WDR41: variants seen among roughly 807,000 people sequenced by gnomAD.
WDR41 encodes WD repeat domain 41.
A neutral mutation model predicts 69.3 loss-of-function variants in WDR41; 63 were observed. That is an observed-to-expected ratio of 0.91 (90% CI 0.74 to 1.12). The LOEUF is 1.12. Ranked by LOEUF, WDR41 falls within the 50% of genes most tolerant of loss-of-function variation. The probability of loss-of-function intolerance (pLI) is 0.00; values close to 1 mark genes in which losing one functional copy is unlikely to be tolerated. For missense variants in WDR41, 543 were observed against 534.5 expected, an observed-to-expected ratio of 1.02 and a Z score of -0.16; for synonymous variants, 185 against 192.1, an observed-to-expected ratio of 0.96 and a Z score of 0.31.
intron 1 of WDR41, among the ~76,000 whole-genome samples, chr5:77,558,094 T>TTAAAAAAAA (rs1554036365): frequency 9.6e-6 from 1 of 104,302 alleles, no homozygotes; most frequent in Non-Finnish European, 2.0e-5. Context: ...ATGTTCTTTT[T>TTAAAAAAAA]AAAAAAAAAA....
intron 10 of WDR41, 25 bp from the exon 11 acceptor site, chr5:77,437,449 A>G (rs1798986807): frequency 6.3e-7 from 1 of 1,598,978 alleles, no homozygotes; most frequent in Non-Finnish European, 8.6e-7. Flanking sequence ...AATCAGTAAT[A>G]CAAAAAGAGC....
chr5:77,492,353 G>T, upstream of WDR41: 1 of 1,236,658 alleles, frequency 8.1e-7, no homozygotes, highest in Non-Finnish European at 1.1e-6. Flanking sequence ...TCAGCCCACG[G>T]GCCGAAGGAA....
chr5:77,588,997 C>T (rs13436895), intron 1 of WDR41, among the ~76,000 whole-genome samples: 27,000 of 151,924 alleles, frequency 0.18, 2,715 homozygotes, highest in Admixed American at 0.24. Context: ...ACAAGAAGCA[C>T]AAAAATGTGA....
At chr5:77,489,791 G>C (rs163025) in intron 1 of WDR41, among the ~76,000 whole-genome samples, 4 of 151,830 alleles carry the variant, frequency 2.6e-5, no homozygotes, top group Admixed American at 1.3e-4. Flanking sequence ...CCACAAATTC[G>C]AATCATGAAT....
At chr5:77,492,355 C>A, upstream of WDR41, 1 of 1,195,478 alleles carries the variant, frequency 8.4e-7, no homozygotes, top group South Asian at 1.5e-5. Context: ...AGCCCACGGG[C>A]CGAAGGAATG....
At chr5:77,469,696 A>G (rs1472403319) in intron 2 of WDR41, among the ~76,000 whole-genome samples, 1 of 151,738 alleles carries the variant, frequency 6.6e-6, no homozygotes, top group Non-Finnish European at 1.5e-5. Flanking sequence ...GGAAGATCAA[A>G]TGAATGAAAT....
chr5:77,505,789 G>A (rs1802095361), intron 1 of WDR41, among the ~76,000 whole-genome samples: 1 of 152,138 alleles, frequency 6.6e-6, no homozygotes. Context: ...AACGGGGAAA[G>A]GATTCCCTAT....
At chr5:77,547,074 C>G (rs1743212647) in intron 1 of WDR41, among the ~76,000 whole-genome samples, 1 of 152,036 alleles carries the variant, frequency 6.6e-6, no homozygotes. Context: ...ATCAGCATCC[C>G]TTTATGATTA....
At chr5:77,494,551 A>C (rs572563920), upstream of WDR41, among the ~76,000 whole-genome samples, 1 of 152,160 alleles carries the variant, frequency 6.6e-6, no homozygotes, top group Non-Finnish European at 1.5e-5. Context: ...AAATCAAAAA[A>C]GTTTTCAAAG....
upstream of WDR41, among the ~76,000 whole-genome samples, chr5:77,496,351 A>G (rs914286330): frequency 6.6e-6 from 1 of 152,070 alleles, no homozygotes; most frequent in Admixed American, 6.5e-5. Flanking sequence ...ATATGACCCT[A>G]TATATAGAAA....
chr5:77,443,813 A>G (rs949041201), intron 8 of WDR41, among the ~76,000 whole-genome samples: 2 of 152,016 alleles, frequency 1.3e-5, no homozygotes, highest in Non-Finnish European at 2.9e-5. Context: ...AGTAGAAACA[A>G]AATATTAATG....
chr5:77,594,595 C>G (rs1405773393), intron 1 of WDR41, among the ~76,000 whole-genome samples: 2 of 151,964 alleles, frequency 1.3e-5, no homozygotes, highest in African/African-American at 4.8e-5. Flanking sequence ...TCTATGACAC[C>G]AGTAACCATT....
At chr5:77,455,215 C>G (rs1799779512) in intron 5 of WDR41, among the ~76,000 whole-genome samples, 1 of 152,150 alleles carries the variant, frequency 6.6e-6, no homozygotes, top group Non-Finnish European at 1.5e-5. Context: ...TTTTGACTTG[C>G]ATTTCTCTAA....
chr5:77,574,937 A>G (rs1743802974), intron 1 of WDR41, among the ~76,000 whole-genome samples: 1 of 152,244 alleles, frequency 6.6e-6, no homozygotes, highest in African/African-American at 2.4e-5. Flanking sequence ...ATCTCCAGAG[A>G]CCAAACATAA....
chr5:77,585,173 C>A (rs1196754993), intron 1 of WDR41, among the ~76,000 whole-genome samples: 1 of 149,376 alleles, frequency 6.7e-6, no homozygotes, highest in Non-Finnish European at 1.5e-5. Flanking sequence ...GACCTGAATA[C>A]ACAATTCTCA....
chr5:77,476,602 A>C (rs919235662), intron 2 of WDR41, among the ~76,000 whole-genome samples: 14 of 151,562 alleles, frequency 9.2e-5, no homozygotes, highest in Non-Finnish European at 1.5e-4. Context: ...GAAATAAAAT[A>C]CTTTACAGAC....
chr5:77,537,574 G>A (rs1743011414), intron 1 of WDR41, among the ~76,000 whole-genome samples: 1 of 152,142 alleles, frequency 6.6e-6, no homozygotes, highest in South Asian at 2.1e-4. Context: ...GTCATTTAGG[G>A]CAGAAGAAAT....
chr5:77,471,604 A>G lies in WDR41; in HGVS notation c.168-6795T>C, dbSNP rs373729953. On this transcript the variant is annotated intron_variant, in intron 2 of 12. Coordinates refer to ENST00000296679, the MANE Select transcript of WDR41 (RefSeq NM_018268.4). ...AAATGATAAAGGGGATATCACCACC[A>G]ATCCCACAGAAATACAAACTACCAT... Among the ~76,000 whole-genome samples, 258 of 152,206 alleles carry G rather than the reference A, an allele frequency of 1.7e-3. 7 individuals are homozygous for G. The East Asian group carries it at 0.042, about 25-fold the overall frequency.
intron 1 of WDR41, among the ~76,000 whole-genome samples, chr5:77,592,517 C>A (rs1030407136): frequency 9.9e-5 from 15 of 152,068 alleles, no homozygotes; most frequent in African/African-American, 3.4e-4. Flanking sequence ...TTGATGATTC[C>A]TTAGAAGAAC....
Sources: gnomAD v4.1 joint callset for allele counts (sites outside exome capture counted in the v4.1 genomes callset) on GRCh38, gnomAD v4.1.1 for gene constraint, MANE v1.5 for transcripts, NCBI Gene and HGNC (gene_info 2026-07-23, HGNC 2026-07-21) for gene names.